METTL22: variants seen among roughly 807,000 people sequenced by gnomAD.
METTL22 encodes methyltransferase-like protein 22.
A neutral mutation model predicts 48.4 loss-of-function variants in METTL22; 51 were observed. The ratio of observed to expected loss-of-function variants is 1.05; its 90% CI spans 0.84 to 1.33. The LOEUF (loss-of-function observed/expected upper bound fraction) is 1.33. Ranked by LOEUF, METTL22 falls within the 40% of genes most tolerant of loss-of-function variation. The pLI is 0.00. For missense variants in METTL22, 678 were observed against 526.9 expected, an observed-to-expected ratio of 1.29 and a Z score of -2.81; for synonymous variants, 255 against 214.1, an observed-to-expected ratio of 1.19 and a Z score of -1.67.
At chr16:8,622,693 G>A (rs566055864) in intron 1 of METTL22, among the ~76,000 whole-genome samples, 47 of 151,928 alleles carry the variant, frequency 3.1e-4, no homozygotes, top group Non-Finnish European at 6.5e-4. Flanking sequence ...ACTATATGTC[G>A]TAAGCCCGAA....
At chr16:8,657,897 G>C in the METTL22 span, among the ~76,000 whole-genome samples, 2 of 149,598 alleles carry the variant, frequency 1.3e-5, no homozygotes, top group Admixed American at 1.3e-4. Flanking sequence ...GCTCAGTGCA[G>C]CCTCAACCTC....
intron 3 of METTL22, among the ~76,000 whole-genome samples, chr16:8,630,715 A>T (rs4985069): frequency 6.6e-6 from 1 of 152,058 alleles, no homozygotes; most frequent in Non-Finnish European, 1.5e-5. Flanking sequence ...GCCTGTGACC[A>T]GCTTCCCCTC....
At chr16:8,630,885 G>C (rs1006063507) in intron 3 of METTL22, among the ~76,000 whole-genome samples, 1 of 152,176 alleles carries the variant, frequency 6.6e-6, no homozygotes, top group Non-Finnish European at 1.5e-5. Context: ...TTTCAAACTG[G>C]CTAGAGCACT....
At chr16:8,657,967 C>T in the METTL22 span, among the ~76,000 whole-genome samples, 3,701 of 152,192 alleles carry the variant, frequency 0.024, 67 homozygotes, top group Non-Finnish European at 0.036. Flanking sequence ...AGGCGTGTGA[C>T]GCCATGCCTG....
Position 8,625,633 on chromosome 16 carries a change from C to T in METTL22, c.-33C>T. On this transcript the variant is annotated 5_prime_UTR_variant, in exon 2 of 11. Coordinates refer to ENST00000381920, the MANE Select transcript of METTL22 (RefSeq NM_024109.4). ...AGGACCCATTCTCACCTCTGAGGGACTCCTGTCCTAGGACTAAGGTGGAGC... is the reference window on the plus strand; with the variant it reads ...AGGACCCATTCTCACCTCTGAGGGATTCCTGTCCTAGGACTAAGGTGGAGC... 1.2e-6 allele frequency: 2 copies of T among 1,612,994 alleles called. No homozygotes were observed. Among genetic ancestry groups the T allele is most frequent in the South Asian group, 2.2e-5 (2 of 91,014 alleles).
intron 9 of METTL22, chr16:8,642,800 G>A (rs1641058): frequency 1 from 581,666 of 584,258 alleles, 289,596 homozygotes; most frequent in East Asian, 1. Context: ...GGAAGGCTGG[G>A]AAGCATCAGG....
chr16:8,664,567 C>T, the METTL22 span, among the ~76,000 whole-genome samples: 3 of 152,156 alleles, frequency 2.0e-5, no homozygotes, highest in South Asian at 2.1e-4. Flanking sequence ...AGTGCTCCCA[C>T]CTTGGCCTCC....
chr16:8,659,229 G>T, the METTL22 span, among the ~76,000 whole-genome samples: 39,903 of 151,698 alleles, frequency 0.26, 6,356 homozygotes, highest in African/African-American at 0.45. Flanking sequence ...TACTTGTGAG[G>T]CTAAGAAGGG....
chr16:8,642,507 T>A lies in METTL22; in HGVS notation c.952T>A (p.Ser318Thr). The change falls in exon 9 of 11, where the codon TCC becomes ACC. Residue 318 changes from serine to threonine, a missense_variant. Transcript: ENST00000381920. ...GACTGATGCTGTGTTTAAAACGCTC[T>A]CCCGACTCGCCCACAGATTGAAAAA... The part of the protein sequence containing the change: ...DLTDAVFKTL[S>T]RLAHRLKNAC... 1 of 1,614,222 alleles carries A rather than the reference T, an allele frequency of 6.2e-7. No homozygotes were observed. The highest frequency in any genetic ancestry group is 8.5e-7 in the Non-Finnish European group (1 of 1,180,044).
intron 7 of METTL22, chr16:8,641,545 C>G (rs879572819): frequency 1.0e-5 from 5 of 498,210 alleles, no homozygotes; most frequent in Non-Finnish European, 2.0e-5. Flanking sequence ...TCCCAACAAA[C>G]AGTGGTGCCA....
At chr16:8,661,823 T>TCA in the METTL22 span, among the ~76,000 whole-genome samples, 1 of 144,290 alleles carries the variant, frequency 6.9e-6, no homozygotes, top group South Asian at 2.2e-4. Context: ...TCCTCCCACT[T>TCA]TGGCCTCTCA....
At chr16:8,663,206 CAAAAAAA>C in the METTL22 span, among the ~76,000 whole-genome samples, 1 of 6,432 alleles carries the variant, frequency 1.6e-4, no homozygotes, top group African/African-American at 5.6e-4. Flanking sequence ...AACTCCGTCT[CAAAAAAA>C]AAAAAAAAAA....
intron 7 of METTL22, chr16:8,641,408 G>T (rs889898523): frequency 1.1e-5 from 7 of 642,238 alleles, no homozygotes; most frequent in Non-Finnish European, 2.0e-5. Flanking sequence ...TCCAGGTGTT[G>T]TGGTTTCCCT....
chr16:8,630,614 T>C (rs2056226049), intron 3 of METTL22, among the ~76,000 whole-genome samples: 1 of 152,164 alleles, frequency 6.6e-6, no homozygotes, highest in Admixed American at 6.5e-5. Flanking sequence ...AACCTGTCAG[T>C]TACTCCACAG....
rs1041039549 is a variant in METTL22 at position 8,638,232 on chromosome 16, T to C, written c.701-859T>C. 9.2e-5 allele frequency among the ~76,000 whole-genome samples: 14 copies of C among 152,136 alleles called. 1 individual carries two copies. The highest frequency in any genetic ancestry group is 1.6e-4 in the Non-Finnish European group (11 of 68,014). On this transcript the variant is annotated intron_variant, in intron 5 of 10. Transcript: ENST00000381920. Reference sequence around the variant, plus strand: ...TAGGAGATAGGGTAGATCCCTCCCTTCTGCAAGCAGGGAGCTCCTCCCGTA... The same window carrying C: ...TAGGAGATAGGGTAGATCCCTCCCTCCTGCAAGCAGGGAGCTCCTCCCGTA...
chr16:8,644,833 G>C (rs2056737204), intron 10 of METTL22, 108 bp downstream of exon 10: 27 of 1,208,198 alleles, frequency 2.2e-5, no homozygotes, highest in Non-Finnish European at 3.0e-5. Flanking sequence ...CTCCACCCTA[G>C]TCCTGCAGGG....
intron 5 of METTL22, among the ~76,000 whole-genome samples, chr16:8,635,551 G>A (rs1369604251): frequency 6.6e-6 from 1 of 152,166 alleles, no homozygotes; most frequent in Non-Finnish European, 1.5e-5. Flanking sequence ...TGAGCTTCAG[G>A]AGGTGCCTAG....
chr16:8,651,247 C>A (rs555445107), downstream of METTL22, among the ~76,000 whole-genome samples: 2 of 151,362 alleles, frequency 1.3e-5, no homozygotes, highest in Non-Finnish European at 2.9e-5. Context: ...ATTAGCCAGG[C>A]GTGGTGGCGG....
At chr16:8,629,987 AGTGTCCACACCAG>A (rs2056200168) in intron 3 of METTL22, among the ~76,000 whole-genome samples, 1 of 150,676 alleles carries the variant, frequency 6.6e-6, no homozygotes, top group South Asian at 2.1e-4. Flanking sequence ...GAATCCACAC[AGTGTCCACACCAG>A]GGCTTTGCCT....
Sources: allele counts gnomAD v4.1 joint callset (sites outside exome capture counted in the v4.1 genomes callset), GRCh38; gene constraint gnomAD v4.1.1; transcripts MANE v1.5; gene names NCBI Gene and HGNC (gene_info 2026-07-23, HGNC 2026-07-21).